The following TSHZ2 variants were observed in gnomAD, a reference collection of about 807,000 sequenced individuals.
The protein encoded by TSHZ2 is teashirt zinc finger homeobox 2.
Under a neutral mutation model 74.4 loss-of-function variants are expected in TSHZ2, and 21 were observed. The observed-to-expected ratio is 0.28, with a 90% confidence interval of 0.20 to 0.41. The LOEUF (loss-of-function observed/expected upper bound fraction) is 0.41, where lower values mean the gene tolerates loss of function less well. Ranked by LOEUF, TSHZ2 falls within the 10% of genes least tolerant of loss-of-function variation. TSHZ2 has a pLI of 1.00. For synonymous variants in TSHZ2, 540 were observed against 515.3 expected (o/e 1.05, Z -0.65); for missense variants, 1,244 against 1,293.5 (o/e 0.96, Z 0.59).
At chr20:53,167,731 C>T (rs1239599967) in intron 1 of TSHZ2, among the ~76,000 whole-genome samples, 1 of 152,108 alleles carries the variant, frequency 6.6e-6, no homozygotes, top group African/African-American at 2.4e-5. Flanking sequence ...ATGAGAGGTG[C>T]AAGTGGTGAA....
At position 52,972,695 on chromosome 20, in the gene TSHZ2, CGAG is replaced by C. The variant is rs530277912; in HGVS notation, c.-578_-576del. The C allele has an allele frequency of 1.1e-3, 135 of 121,922 alleles. No homozygotes were observed. The highest frequency in any genetic ancestry group is 0.011 in the South Asian group (41 of 3,802). The allele number at this position is 121,922 out of a possible 1,614,324, so 7.6% of individuals were successfully genotyped here. ...GGCACGAATCCGCCATAGAGATCGG[CGAG>C]GAGGAGGAGGAGGAGGAGGAAGAAA... On this transcript the variant is annotated 5_prime_UTR_variant, in exon 1 of 3. Transcript: ENST00000371497.
chr20:53,281,416 T>C (rs779958166), intron 2 of TSHZ2, among the ~76,000 whole-genome samples: 2 of 152,218 alleles, frequency 1.3e-5, no homozygotes, highest in Non-Finnish European at 2.9e-5. Flanking sequence ...GGCCAGATAG[T>C]AAATGTCTGA....
At chr20:53,310,697 G>A (rs888125160) in intron 2 of TSHZ2, among the ~76,000 whole-genome samples, 4 of 152,116 alleles carry the variant, frequency 2.6e-5, no homozygotes, top group Non-Finnish European at 4.4e-5. Context: ...AACTCCTAGA[G>A]GCCATCTAGT....
intron 1 of TSHZ2, among the ~76,000 whole-genome samples, chr20:53,061,035 G>A (rs1001896430): frequency 1.3e-5 from 2 of 152,062 alleles, no homozygotes; most frequent in East Asian, 1.9e-4. Context: ...GTACCTTACC[G>A]GTAGGTACAA....
chr20:53,015,790 C>G (rs2123015892), intron 1 of TSHZ2, among the ~76,000 whole-genome samples: 1 of 152,116 alleles, frequency 6.6e-6, no homozygotes, highest in Non-Finnish European at 1.5e-5. Context: ...GCTGCTGGGA[C>G]AGGATGGGAG....
At chr20:53,218,735 T>C (rs900180584) in intron 1 of TSHZ2, among the ~76,000 whole-genome samples, 2 of 152,230 alleles carry the variant, frequency 1.3e-5, no homozygotes, top group East Asian at 1.9e-4. Context: ...TATAGTAATG[T>C]CTCTCAAAAG....
At chr20:53,264,029 C>G (rs1160555025) in intron 2 of TSHZ2, among the ~76,000 whole-genome samples, 34 of 152,186 alleles carry the variant, frequency 2.2e-4, no homozygotes, top group Non-Finnish European at 2.2e-4. Context: ...TCCTGATATA[C>G]TCTGGTTTCT....
intron 1 of TSHZ2, among the ~76,000 whole-genome samples, chr20:53,066,759 G>A (rs1985003296): frequency 6.6e-6 from 1 of 152,172 alleles, no homozygotes; most frequent in Non-Finnish European, 1.5e-5. Flanking sequence ...GCCCGCCTCG[G>A]CCTCCCAAAG....
chr20:53,427,163 A>C (rs1983685032), intron 2 of TSHZ2, among the ~76,000 whole-genome samples: 1 of 152,192 alleles, frequency 6.6e-6, no homozygotes, highest in Non-Finnish European at 1.5e-5. Flanking sequence ...GTAGAGTGTG[A>C]TGGCGTGTGG....
At chr20:53,310,094 A>G (rs1978715119) in intron 2 of TSHZ2, among the ~76,000 whole-genome samples, 1 of 152,242 alleles carries the variant, frequency 6.6e-6, no homozygotes, top group South Asian at 2.1e-4. Context: ...TCTAAAGAAC[A>G]TGCTTTGAAA....
At chr20:53,191,067 A>G (rs910665605) in intron 1 of TSHZ2, among the ~76,000 whole-genome samples, 8 of 152,210 alleles carry the variant, frequency 5.3e-5, no homozygotes, top group African/African-American at 1.9e-4. Flanking sequence ...TCATTTCCCA[A>G]AACGTCCTTG....
intron 2 of TSHZ2, among the ~76,000 whole-genome samples, chr20:53,286,598 T>C (rs1221766457): frequency 2.6e-5 from 4 of 152,180 alleles, no homozygotes; most frequent in Non-Finnish European, 5.9e-5. Flanking sequence ...TATTCAAATA[T>C]GTAAAAACAG....
rs375368113 is a variant in TSHZ2 at position 53,314,333 on chromosome 20, T to A, written c.*8+57762T>A. Reference sequence around the variant, plus strand: ...AAGAAATATGATGCAGTTTCAGTTATCTATTGCTGTGTAACTAATCGACCC... The same window carrying A: ...AAGAAATATGATGCAGTTTCAGTTAACTATTGCTGTGTAACTAATCGACCC... On this transcript the variant is annotated intron_variant, in intron 2 of 2. Coordinates refer to ENST00000371497, the MANE Select transcript of TSHZ2 (RefSeq NM_173485.6). Among the ~76,000 whole-genome samples, 3 of 151,690 alleles carry A rather than the reference T, an allele frequency of 2.0e-5. No homozygotes were observed. The East Asian group carries it at 5.8e-4, about 29-fold the overall frequency.
At chr20:53,250,836 A>G (rs201334813) in intron 1 of TSHZ2, among the ~76,000 whole-genome samples, 153 of 131,152 alleles carry the variant, frequency 1.2e-3, no homozygotes, top group East Asian at 4.7e-3. Flanking sequence ...TGTCAGTGGG[A>G]AAAAAAAAAA....
chr20:53,318,877 C>G (rs550519817), intron 2 of TSHZ2, among the ~76,000 whole-genome samples: 1 of 152,192 alleles, frequency 6.6e-6, no homozygotes, highest in Non-Finnish European at 1.5e-5. Flanking sequence ...AATGGACTCA[C>G]AGTTCCACAT....
intron 2 of TSHZ2, among the ~76,000 whole-genome samples, chr20:53,393,653 A>G (rs1011175048): frequency 7.5e-6 from 1 of 133,202 alleles, no homozygotes; most frequent in Non-Finnish European, 1.6e-5. Context: ...GTTGCATAGA[A>G]CTACACACGC....
chr20:53,149,467 G>C (rs1987624603), intron 1 of TSHZ2, among the ~76,000 whole-genome samples: 1 of 152,124 alleles, frequency 6.6e-6, no homozygotes, highest in South Asian at 2.1e-4. Flanking sequence ...GAGAAAGAGG[G>C]GGAGGAAAGA....
chr20:53,286,082 G>A (rs983467568), intron 2 of TSHZ2, among the ~76,000 whole-genome samples: 3 of 152,112 alleles, frequency 2.0e-5, no homozygotes, highest in Non-Finnish European at 4.4e-5. Flanking sequence ...TTTACTTCTC[G>A]AGCTCAGTGG....
chr20:53,431,353 G>A (rs534745656), intron 2 of TSHZ2, among the ~76,000 whole-genome samples: 9 of 152,146 alleles, frequency 5.9e-5, no homozygotes, highest in Admixed American at 2.6e-4. Flanking sequence ...CTACTCAGGA[G>A]GCAGAGGCAG....
Sources: allele counts gnomAD v4.1 joint callset (sites outside exome capture counted in the v4.1 genomes callset), GRCh38; gene constraint gnomAD v4.1.1; transcripts MANE v1.5; gene names NCBI Gene and HGNC (gene_info 2026-07-23, HGNC 2026-07-21).